Variants in PREX1 observed in about 807,000 individuals in gnomAD.
PREX1 encodes phosphatidylinositol-3,4,5-trisphosphate dependent Rac exchange factor 1.
PREX1 carries 41 observed loss-of-function variants against 198.3 expected under a neutral mutation model. The observed-to-expected ratio is 0.21, with a 90% confidence interval of 0.16 to 0.27. PREX1 has a LOEUF of 0.27. Ranked by LOEUF, PREX1 falls within the 10% of genes least tolerant of loss-of-function variation. The probability of loss-of-function intolerance (pLI) is 1.00; values close to 1 mark genes in which losing one functional copy is unlikely to be tolerated. For missense variants in PREX1, 1,620 were observed against 2,200.7 expected (o/e 0.74, Z 5.28); for synonymous variants, 843 against 887.2 (o/e 0.95, Z 0.89).
intron 1 of PREX1, among the ~76,000 whole-genome samples, chr20:48,805,971 C>G (rs562878374): frequency 1.2e-4 from 18 of 152,366 alleles, no homozygotes; most frequent in Middle Eastern, 3.4e-3. Context: ...GTGCCAGACA[C>G]TGCTCTAGAC....
intron 5 of PREX1, among the ~76,000 whole-genome samples, chr20:48,713,851 GAACTAT>G (rs2089948047): frequency 1.3e-5 from 1 of 76,112 alleles, no homozygotes; most frequent in Non-Finnish European, 2.5e-5. Flanking sequence ...ATGTATCCCA[GAACTAT>G]AAAAAAAAAA....
Position 48,732,695 on chromosome 20 carries a change from T to C in PREX1, c.519+1851A>G, listed in dbSNP as rs572597614. The stretch of plus-strand genomic sequence containing the variant: ...GTATTCTTCTTCCACAGTGATCACA[T>C]TTCTAGCTGGGCACATGGCTGCTCA... On this transcript the variant is annotated intron_variant, in intron 4 of 39. Transcript: ENST00000371941. 6.6e-5 allele frequency among the ~76,000 whole-genome samples: 10 copies of C among 152,296 alleles called. No individual in the cohort carries two copies. The South Asian group carries it at 2.1e-3, about 32-fold the overall frequency.
chr20:48,726,247 A>G, intron 5 of PREX1, 43 bp downstream of exon 5: 1 of 1,524,374 alleles, frequency 6.6e-7, no homozygotes, highest in South Asian at 1.1e-5. Flanking sequence ...GTTATGCTGA[A>G]GCCAAAGAGT....
At chr20:48,748,953 A>T (rs2090121776) in intron 1 of PREX1, among the ~76,000 whole-genome samples, 1 of 152,142 alleles carries the variant, frequency 6.6e-6, no homozygotes, top group Non-Finnish European at 1.5e-5. Context: ...TGTGAGTAAA[A>T]GTGGGGGGAC....
At chr20:48,839,780 C>T in the PREX1 span, among the ~76,000 whole-genome samples, 3 of 152,150 alleles carry the variant, frequency 2.0e-5, no homozygotes, top group African/African-American at 7.2e-5. Flanking sequence ...CACACATGCT[C>T]CTCCTTGCTC....
chr20:48,634,151 G>C (rs1354211593), intron 33 of PREX1, among the ~76,000 whole-genome samples: 1 of 127,304 alleles, frequency 7.9e-6, no homozygotes, highest in South Asian at 3.0e-4. Flanking sequence ...TGGGTGGATG[G>C]ATGGATGGAT....
chr20:48,720,794 G>A (rs372450937), intron 5 of PREX1, among the ~76,000 whole-genome samples: 32 of 152,086 alleles, frequency 2.1e-4, no homozygotes, highest in African/African-American at 7.2e-4. Flanking sequence ...CTCAGTATCA[G>A]CCACTTTCCT....
intron 1 of PREX1, among the ~76,000 whole-genome samples, chr20:48,787,782 A>C (rs1391134105): frequency 2.6e-5 from 4 of 152,242 alleles, no homozygotes; most frequent in Admixed American, 1.3e-4. Flanking sequence ...AGGAACACCC[A>C]ATGATACATT....
intron 1 of PREX1, among the ~76,000 whole-genome samples, chr20:48,820,545 C>G (rs1303863786): frequency 6.6e-6 from 1 of 152,190 alleles, no homozygotes; most frequent in East Asian, 1.9e-4. Context: ...ATCAATCTCA[C>G]GTATTTCCAC....
chr20:48,794,358 G>A (rs548570555), intron 1 of PREX1, among the ~76,000 whole-genome samples: 1 of 152,030 alleles, frequency 6.6e-6, no homozygotes, highest in African/African-American at 2.4e-5. Context: ...GGGGCGGACA[G>A]AGAGTCCTGA....
chr20:48,637,964 G>A (rs2089378174), intron 30 of PREX1, among the ~76,000 whole-genome samples: 1 of 152,150 alleles, frequency 6.6e-6, no homozygotes, highest in Non-Finnish European at 1.5e-5. Flanking sequence ...CCCCAACTGT[G>A]AGCCCCATCT....
intron 2 of PREX1, among the ~76,000 whole-genome samples, chr20:48,746,079 G>A (rs2090106359): frequency 6.6e-6 from 1 of 152,190 alleles, no homozygotes. Flanking sequence ...GAAGTACAGT[G>A]GCACAAACTT....
chr20:48,853,953 G>A, the PREX1 span, among the ~76,000 whole-genome samples: 1,410 of 152,318 alleles, frequency 9.3e-3, 18 homozygotes, highest in South Asian at 0.027. Context: ...GCCAGATGGG[G>A]CAATCCACAG....
At chr20:48,634,875 G>T in intron 32 of PREX1, 100 bp from the exon 33 acceptor site, 1 of 1,004,604 alleles carries the variant, frequency 1.0e-6, no homozygotes, top group Non-Finnish European at 1.5e-6. Context: ...ACTCCACACT[G>T]TGGGCCCCCT....
chr20:48,795,456 T>C (rs1001749225), intron 1 of PREX1, among the ~76,000 whole-genome samples: 1 of 147,918 alleles, frequency 6.8e-6, no homozygotes, highest in Non-Finnish European at 1.5e-5. Context: ...TCTGGAGATA[T>C]TTTTGGTTGT....
intron 15 of PREX1, among the ~76,000 whole-genome samples, chr20:48,661,444 A>AAT (rs1159107194): frequency 0.044 from 2,182 of 49,350 alleles, 100 homozygotes; most frequent in Non-Finnish European, 0.053. Flanking sequence ...AAAAAAAAAA[A>AAT]ATATATATAT....
intron 2 of PREX1, among the ~76,000 whole-genome samples, chr20:48,747,489 T>G (rs1029934690): frequency 1.3e-5 from 2 of 152,188 alleles, no homozygotes; most frequent in Non-Finnish European, 2.9e-5. Flanking sequence ...GATTTTCCAC[T>G]GGCTCCAAGC....
intron 7 of PREX1, among the ~76,000 whole-genome samples, chr20:48,695,616 G>A (rs2089841344): frequency 6.6e-6 from 1 of 152,174 alleles, no homozygotes; most frequent in Admixed American, 6.5e-5. Flanking sequence ...TATGGTATGT[G>A]TACAGTAGGA....
upstream of PREX1, among the ~76,000 whole-genome samples, chr20:48,828,255 G>T (rs2090521264): frequency 2.6e-5 from 4 of 151,566 alleles, no homozygotes; most frequent in Admixed American, 2.0e-4. Context: ...GCCCCGCGGA[G>T]CCGGGAGTCC....
Sources: gnomAD v4.1 joint callset for allele counts (sites outside exome capture counted in the v4.1 genomes callset) on GRCh38, gnomAD v4.1.1 for gene constraint, MANE v1.5 for transcripts, NCBI Gene and HGNC (gene_info 2026-07-23, HGNC 2026-07-21) for gene names.